Variants in TNIK observed in about 807,000 individuals in gnomAD.
TNIK encodes TRAF2 and NCK interacting kinase.
A neutral mutation model predicts 191.3 loss-of-function variants in TNIK; 49 were observed. The observed-to-expected ratio is 0.26, with a 90% CI of 0.20 to 0.32. TNIK has a LOEUF of 0.32. Among genes scored for constraint, TNIK ranks in the 10% least tolerant of loss-of-function variants. The pLI, the probability that TNIK is intolerant of heterozygous loss-of-function variation, is 1.00. For synonymous variants in TNIK, 594 were observed against 600.9 expected, an observed-to-expected ratio of 0.99 and a Z score of 0.17; for missense variants, 1,155 against 1,702.3, an observed-to-expected ratio of 0.68 and a Z score of 5.66.
intron 1 of TNIK, among the ~76,000 whole-genome samples, chr3:171,432,097 G>C (rs1408489526): frequency 6.6e-6 from 1 of 152,120 alleles, no homozygotes; most frequent in Admixed American, 6.6e-5. Flanking sequence ...TAAGACAAGA[G>C]GCAATAGCCA....
At chr3:171,117,954 A>G (rs1237181779) in intron 18 of TNIK, among the ~76,000 whole-genome samples, 1 of 152,130 alleles carries the variant, frequency 6.6e-6, no homozygotes, top group Admixed American at 6.6e-5. Context: ...TGGGTGACAG[A>G]GCAAGACTCC....
At chr3:171,452,893 G>A (rs1025705442) in intron 1 of TNIK, among the ~76,000 whole-genome samples, 1 of 152,048 alleles carries the variant, frequency 6.6e-6, no homozygotes, top group Non-Finnish European at 1.5e-5. Context: ...CCAGGACCAG[G>A]CATAGTATTT....
Position 171,128,282 on chromosome 3 carries a change from C to T in TNIK, c.1773+432G>A, listed in dbSNP as rs534830297. ...CTTTGAGAACCACTGGCTTAGAAGA[C>T]GTAATTTTACTTAACCAAGTCTATT... On this transcript the variant is annotated intron_variant, in intron 16 of 32. Transcript: ENST00000436636. 3.3e-5 allele frequency among the ~76,000 whole-genome samples: 5 copies of T among 152,280 alleles called. No homozygotes were observed. In the South Asian group the frequency reaches 8.3e-4, roughly 25 times the overall value.
chr3:171,068,934 A>G lies in TNIK; in HGVS notation c.3613T>C (p.Leu1205=). The G allele has an allele frequency of 6.2e-7, 1 of 1,613,852 alleles. No individual in the cohort carries two copies. Among genetic ancestry groups the G allele is most frequent in the Non-Finnish European group, 8.5e-7 (1 of 1,179,818 alleles). The change falls in exon 30 of 33, where the codon TTA becomes CTA. Residue 1205 remains leucine, a synonymous_variant. Transcript: ENST00000436636. The part of the protein sequence containing the change: ...VDLTVEEGQR[L]KVIFGSHTGF... The stretch of plus-strand genomic sequence containing the variant: ...GTGTGTGAACCAAAAATAACCTTTA[A>G]TCTTTGACCTTCTTCTACCGTGAGA...
intron 27 of TNIK, 93 bp downstream of exon 27, chr3:171,082,158 C>T: frequency 6.7e-7 from 1 of 1,484,976 alleles, no homozygotes. Flanking sequence ...TGTTTGTTAG[C>T]TGGGAAGGGC....
At chr3:171,233,946 AC>A (rs1252709880) in intron 2 of TNIK, among the ~76,000 whole-genome samples, 2 of 152,186 alleles carry the variant, frequency 1.3e-5, no homozygotes, top group Non-Finnish European at 2.9e-5. Context: ...ATAAATAAAA[AC>A]CTGGAAGATG....
intron 10 of TNIK, among the ~76,000 whole-genome samples, chr3:171,162,442 T>A (rs1259028602): frequency 6.6e-6 from 1 of 152,124 alleles, no homozygotes; most frequent in African/African-American, 2.4e-5. Context: ...ATTTAAAATT[T>A]AAAAAATGTA....
chr3:171,225,453 C>G (rs979270737), intron 3 of TNIK: 4 of 388,464 alleles, frequency 1.0e-5, no homozygotes, highest in Non-Finnish European at 2.0e-5. Flanking sequence ...AGGAGTTCCC[C>G]AAGAGAATTA....
Position 171,159,719 on chromosome 3 carries a change from C to T in TNIK, c.1016+1551G>A, listed in dbSNP as rs1733721864. 6.6e-6 allele frequency among the ~76,000 whole-genome samples: 1 copy of T among 152,194 alleles called. No individual in the cohort carries two copies. Among genetic ancestry groups the T allele is most frequent in the Non-Finnish European group, 1.5e-5 (1 of 68,038 alleles). On this transcript the variant is annotated intron_variant, in intron 11 of 32. Coordinates refer to ENST00000436636, the MANE Select transcript of TNIK (RefSeq NM_015028.4). This position sits in a 1 kb window ranked among gnomAD's most constrained non-coding sequence, Gnocchi z 4.1. The stretch of plus-strand genomic sequence containing the variant: ...ACTCTGTGTGTGACCTGGGTGCAAC[C>T]CTTAGGCTGTCGCCTCATTTCTAAA...
At chr3:171,267,974 C>G (rs550075156) in intron 2 of TNIK, among the ~76,000 whole-genome samples, 128 of 152,310 alleles carry the variant, frequency 8.4e-4, no homozygotes, top group Non-Finnish European at 1.7e-3. Flanking sequence ...CCTCAGCCAC[C>G]CTTTCATTCT....
chr3:171,255,072 C>T (rs1210439783), intron 2 of TNIK, among the ~76,000 whole-genome samples: 2 of 152,202 alleles, frequency 1.3e-5, no homozygotes, highest in Non-Finnish European at 2.9e-5. Flanking sequence ...CCATCCTAGC[C>T]TCTTCCTCTA....
intron 1 of TNIK, among the ~76,000 whole-genome samples, chr3:171,397,314 G>A (rs1159571572): frequency 6.6e-6 from 1 of 152,146 alleles, no homozygotes; most frequent in Admixed American, 6.6e-5. Flanking sequence ...GTGAGGTGAC[G>A]GACCAAGGAG....
At chr3:171,312,176 T>C (rs1034421633) in intron 2 of TNIK, among the ~76,000 whole-genome samples, 1 of 139,378 alleles carries the variant, frequency 7.2e-6, no homozygotes, top group Non-Finnish European at 1.5e-5. Context: ...TAAAAATATG[T>C]CCACAAATGA....
chr3:171,145,904 A>G (rs1731506319), intron 12 of TNIK, among the ~76,000 whole-genome samples: 1 of 152,116 alleles, frequency 6.6e-6, no homozygotes, highest in Non-Finnish European at 1.5e-5. Flanking sequence ...AATGCCATAA[A>G]ATTGCATTTT....
At chr3:171,459,920 GCCCCAGCCCCAGC>G in intron 1 of TNIK, 74 bp downstream of exon 1, 1 of 1,157,390 alleles carries the variant, frequency 8.6e-7, no homozygotes, top group Non-Finnish European at 1.2e-6. Flanking sequence ...CTGTCCCCCT[GCCCCAGCCCCAGC>G]CCCCAGTCCA....
intron 2 of TNIK, among the ~76,000 whole-genome samples, chr3:171,248,571 C>T (rs924746756): frequency 1.2e-4 from 18 of 152,106 alleles, no homozygotes; most frequent in Admixed American, 1.2e-3. Flanking sequence ...GACCCGAGGG[C>T]TTAGTCAACA....
intron 3 of TNIK, among the ~76,000 whole-genome samples, chr3:171,222,469 T>C (rs1032169053): frequency 6.6e-6 from 1 of 152,204 alleles, no homozygotes; most frequent in Non-Finnish European, 1.5e-5. Context: ...CTTTTTGGCC[T>C]GTGCCTATCG....
At position 171,058,583 on chromosome 3, in the gene TNIK, A is replaced by G. The variant is rs1205233648; in HGVS notation, c.*5298T>C. 2.6e-5 allele frequency among the ~76,000 whole-genome samples: 4 copies of G among 152,220 alleles called. No individual in the cohort carries two copies. The highest frequency in any genetic ancestry group is 5.9e-5 in the Non-Finnish European group (4 of 68,036). On this transcript the variant is annotated 3_prime_UTR_variant, in exon 33 of 33. Coordinates refer to ENST00000436636, the MANE Select transcript of TNIK (RefSeq NM_015028.4). ...TGTATGCAAGAAAAAAAATACCTGAAAGTAACCAAAAGTTTCAGACTGGAA... is the reference window on the plus strand; with the variant it reads ...TGTATGCAAGAAAAAAAATACCTGAGAGTAACCAAAAGTTTCAGACTGGAA...
At chr3:171,171,986 T>C (rs1295468850) in intron 9 of TNIK, among the ~76,000 whole-genome samples, 3 of 152,082 alleles carry the variant, frequency 2.0e-5, no homozygotes, top group Non-Finnish European at 4.4e-5. Context: ...AACTTCATCA[T>C]CCCATACCAC....
Sources: gnomAD v4.1 joint callset for allele counts (sites outside exome capture counted in the v4.1 genomes callset) on GRCh38, gnomAD v4.1.1 for gene constraint, Gnocchi (gnomAD v3.1) non-coding constraint, MANE v1.5 for transcripts, NCBI Gene and HGNC (gene_info 2026-07-23, HGNC 2026-07-21) for gene names.